The following SOWAHC variants were observed in gnomAD, a reference collection of about 807,000 sequenced individuals.
SOWAHC encodes sosondowah ankyrin repeat domain family member C.
SOWAHC carries 12 observed loss-of-function variants against 14.4 expected under a neutral mutation model. That is an observed-to-expected ratio of 0.83 (90% CI 0.53 to 1.35). SOWAHC has a LOEUF of 1.35. Among genes scored for constraint, SOWAHC ranks in the 40% most tolerant of loss-of-function variants. SOWAHC has a pLI of 0.00. For missense variants in SOWAHC, 771 were observed against 752.8 expected (o/e 1.02, Z -0.28); for synonymous variants, 398 against 347.0 (o/e 1.15, Z -1.63).
rs1461784844 is a variant in SOWAHC, at chr2:109,614,820, G to A, written c.331G>A (p.Gly111Arg). 6.3e-6 allele frequency: 9 copies of A among 1,438,870 alleles called. No individual in the cohort carries two copies. The highest frequency in any genetic ancestry group is 2.7e-5 in the South Asian group (2 of 72,848). 89.1% of individuals were successfully genotyped at this position (1,438,870 alleles called of 1,614,324 possible). The part of the protein sequence containing the change: ...AEPEAPDGPA[G>R]PEARDRLPDA... Reference sequence around the variant, plus strand: ...GCCCGAGGCCCCCGACGGCCCTGCCGGGCCCGAGGCGCGCGATCGGCTCCC... The same window carrying A: ...GCCCGAGGCCCCCGACGGCCCTGCCAGGCCCGAGGCGCGCGATCGGCTCCC... Residue 111 changes from glycine to arginine, a missense_variant, in exon 1 of 1, where the codon GGG becomes AGG. By Grantham distance (125) the Gly-to-Arg change is moderately radical (BLOSUM62 -2). Coordinates refer to ENST00000356454, the MANE Select transcript of SOWAHC (RefSeq NM_023016.4).
chr2:109,617,426 A>G lies in SOWAHC; in HGVS notation c.*1359A>G, dbSNP rs1700164034. 1 of 167,130 alleles carries G rather than the reference A, an allele frequency of 6.0e-6. No individual in the cohort carries two copies. Among genetic ancestry groups the G allele is most frequent in the Non-Finnish European group, 1.5e-5 (1 of 68,128 alleles). 10.4% of individuals were successfully genotyped at this position (167,130 alleles called of 1,614,324 possible). A position where few individuals can be genotyped will look rare whatever the true frequency, so the allele number is the denominator to read the frequency against. ...TCTTAATTACATTTCATTCATTTAT[A>G]TTAGAGTAAATGGCTTCATAACTAC... is the stretch of plus-strand genomic sequence containing the variant. On this transcript the variant is annotated 3_prime_UTR_variant, in exon 1 of 1. Transcript: ENST00000356454.
Position 109,614,463 on chromosome 2 carries a change from G to A in SOWAHC, c.-27G>A, listed in dbSNP as rs1213346786. ...GCTATGGGACCGCGCTGAGCCGCCCGCTGGCGGGGGAGCAGCGCGGTCGAG... is the reference window on the plus strand; with the variant it reads ...GCTATGGGACCGCGCTGAGCCGCCCACTGGCGGGGGAGCAGCGCGGTCGAG... On this transcript the variant is annotated 5_prime_UTR_variant, in exon 1 of 1. Coordinates refer to ENST00000356454, the MANE Select transcript of SOWAHC (RefSeq NM_023016.4). 9 of 1,213,622 alleles carry A rather than the reference G, an allele frequency of 7.4e-6. No individual in the cohort carries two copies. In the East Asian group the frequency reaches 1.0e-4, roughly 14 times the overall value. The allele number at this position is 1,213,622 out of a possible 1,614,324, so 75.2% of individuals were successfully genotyped here.
rs1439494389 is a variant in SOWAHC, at chr2:109,617,880, G to A, written c.*1813G>A. 2 of 160,326 alleles carry A rather than the reference G, an allele frequency of 1.2e-5. No homozygotes were observed. Among genetic ancestry groups the A allele is most frequent in the African/African-American group, 4.8e-5 (2 of 41,366 alleles). The allele number at this position is 160,326 out of a possible 1,614,324, so 9.9% of individuals were successfully genotyped here. Reference sequence around the variant, plus strand: ...CTAAAAATACAAAAATTAGCCGAGCGTGGTGGTGCGTGCCTGTAGTCCCAG... The same window carrying A: ...CTAAAAATACAAAAATTAGCCGAGCATGGTGGTGCGTGCCTGTAGTCCCAG... On this transcript the variant is annotated 3_prime_UTR_variant, in exon 1 of 1. Coordinates refer to ENST00000356454, the MANE Select transcript of SOWAHC (RefSeq NM_023016.4).
rs527519216 is a variant in SOWAHC at position 109,615,701 on chromosome 2, C to A, written c.1212C>A (p.Ser404Arg). The A allele has an allele frequency of 3.7e-6, 6 of 1,613,916 alleles. No homozygotes were observed. The East Asian group carries it at 8.9e-5, about 24-fold the overall frequency. The change falls in exon 1 of 1, where the codon AGC becomes AGA. Residue 404 changes from serine to arginine, a missense_variant. Transcript: ENST00000356454. Reference protein sequence around the residue: ...VGALDEGDGESAAGSGGGRWR... With the variant: ...VGALDEGDGERAAGSGGGRWR... ...CCCTGGACGAGGGTGACGGGGAAAG[C>A]GCCGCGGGTAGCGGCGGCGGGCGCT... is the stretch of plus-strand genomic sequence containing the variant.
Position 109,617,120 on chromosome 2 carries a change from A to G in SOWAHC, c.*1053A>G, listed in dbSNP as rs967557446. On this transcript the variant is annotated 3_prime_UTR_variant, in exon 1 of 1. Coordinates refer to ENST00000356454, the MANE Select transcript of SOWAHC (RefSeq NM_023016.4). The stretch of plus-strand genomic sequence containing the variant: ...ACTTAATGATTCTTATGTAAGGTAC[A>G]CTTTTTATTTTAATACATTGGTAGT... 2 of 166,820 alleles carry G rather than the reference A, an allele frequency of 1.2e-5. No individual in the cohort carries two copies. The highest frequency in any genetic ancestry group is 1.3e-4 in the Admixed American group (2 of 15,282). 10.3% of individuals were successfully genotyped at this position (166,820 alleles called of 1,614,324 possible).
Position 109,614,804 on chromosome 2 carries a change from C to T in SOWAHC, c.315C>T (p.Ala105=), listed in dbSNP as rs1240884487. The part of the protein sequence containing the change: ...PRIQVTAEPE[A]PDGPAGPEAR... ...TCCAGGTGACCGCCGAGCCCGAGGC[C>T]CCCGACGGCCCTGCCGGGCCCGAGG... is the stretch of plus-strand genomic sequence containing the variant. The change falls in exon 1 of 1, where the codon GCC becomes GCT. Residue 105 remains alanine (A), a synonymous_variant. Coordinates refer to ENST00000356454, the MANE Select transcript of SOWAHC (RefSeq NM_023016.4). The T allele has an allele frequency of 1.2e-4, 178 of 1,466,540 alleles. No individual in the cohort carries two copies. The highest frequency in any genetic ancestry group is 1.5e-4 in the Non-Finnish European group (171 of 1,114,704). The allele number at this position is 1,466,540 out of a possible 1,614,324, so 90.8% of individuals were successfully genotyped here.
Position 109,614,823 on chromosome 2 carries a change from C to A in SOWAHC, c.334C>A (p.Pro112Thr). ...EPEAPDGPAG[P>T]EARDRLPDAA... The stretch of plus-strand genomic sequence containing the variant: ...CGAGGCCCCCGACGGCCCTGCCGGG[C>A]CCGAGGCGCGCGATCGGCTCCCCGA... The change falls in exon 1 of 1, where the codon CCC (proline) becomes ACC (threonine). Residue 112 changes from proline (P) to threonine (T), a missense_variant. Physicochemically the swap from Pro to Thr is conservative, Grantham distance 38. Transcript: ENST00000356454. 2 of 1,437,714 alleles carry A rather than the reference C, an allele frequency of 1.4e-6. No homozygotes were observed. The highest frequency in any genetic ancestry group is 1.4e-5 in the South Asian group (1 of 72,446). 89.1% of individuals were successfully genotyped at this position (1,437,714 alleles called of 1,614,324 possible).
Position 109,615,433 on chromosome 2 carries a change from A to G in SOWAHC, c.944A>G (p.Gln315Arg). ...CLHWAAKHGR[Q>R]ELLAMLVNFA... ...CACTGGGCCGCCAAGCACGGCAGGC[A>G]GGAGCTTCTGGCCATGCTAGTCAAC... The change falls in exon 1 of 1, where the codon CAG (glutamine) becomes CGG (arginine). Residue 315 changes from glutamine (Q) to arginine (R), a missense_variant. Gln to Arg is a conservative substitution (Grantham distance 43). Transcript: ENST00000356454. 1 of 1,613,092 alleles carries G rather than the reference A, an allele frequency of 6.2e-7. No individual in the cohort carries two copies. Among genetic ancestry groups the G allele is most frequent in the Non-Finnish European group, 8.5e-7 (1 of 1,180,024 alleles).
At position 109,614,825 on chromosome 2, in the gene SOWAHC, C is replaced by G. The variant is rs879360463; in HGVS notation, c.336C>G (p.Pro112=). The G allele has an allele frequency of 2.7e-4, 381 of 1,433,120 alleles. No homozygotes were observed. Among genetic ancestry groups the G allele is most frequent in the Non-Finnish European group, 3.4e-4 (369 of 1,101,194 alleles). 88.8% of individuals were successfully genotyped at this position (1,433,120 alleles called of 1,614,324 possible). Residue 112 remains proline (P), a synonymous_variant, in exon 1 of 1, where the codon CCC becomes CCG. Coordinates refer to ENST00000356454, the MANE Select transcript of SOWAHC (RefSeq NM_023016.4). ...AGGCCCCCGACGGCCCTGCCGGGCCCGAGGCGCGCGATCGGCTCCCCGACG... is the reference window on the plus strand; with the variant it reads ...AGGCCCCCGACGGCCCTGCCGGGCCGGAGGCGCGCGATCGGCTCCCCGACG... ...EPEAPDGPAG[P]EARDRLPDAA...
At position 109,615,059 on chromosome 2, in the gene SOWAHC, C is replaced by G. The variant is rs749253340; in HGVS notation, c.570C>G (p.Ser190Arg). 24 of 1,549,226 alleles carry G rather than the reference C, an allele frequency of 1.5e-5. No homozygotes were observed. Among genetic ancestry groups the G allele is most frequent in the Non-Finnish European group, 2.1e-5 (24 of 1,146,732 alleles). The change falls in exon 1 of 1, where the codon AGC (serine) becomes AGG (arginine). Residue 190 changes from serine to arginine, a missense_variant. Physicochemically the swap from Ser to Arg is moderately radical, Grantham distance 110. Transcript: ENST00000356454. ...PHGCEEADRG[S>R]SLVGATAQRP... ...GCTGCGAGGAGGCGGACAGGGGCAG[C>G]TCCCTTGTGGGGGCTACCGCACAGA...
rs1700094183 is a variant in SOWAHC, at chr2:109,615,422, G to A, written c.933G>A (p.Lys311=). Residue 311 remains lysine, a synonymous_variant, in exon 1 of 1, where the codon AAG becomes AAA. Transcript: ENST00000356454. ...TCACTTGCCTGCACTGGGCCGCCAA[G>A]CACGGCAGGCAGGAGCTTCTGGCCA... ...TGFTCLHWAA[K]HGRQELLAML... 6.2e-7 allele frequency: 1 copy of A among 1,613,100 alleles called. No individual in the cohort carries two copies. The highest frequency in any genetic ancestry group is 2.2e-5 in the East Asian group (1 of 44,858).
In SOWAHC at chr2:109,614,847, G is replaced by A. The variant is rs1156442379; in HGVS notation, c.358G>A (p.Asp120Asn). ...GCCCGAGGCGCGCGATCGGCTCCCCGACGCGGCGGCCCCGGAGTCGCTCCC... is the reference window on the plus strand; with the variant it reads ...GCCCGAGGCGCGCGATCGGCTCCCCAACGCGGCGGCCCCGGAGTCGCTCCC... ...AGPEARDRLPDAAAPESLPGQ... is the reference protein window; with the variant it reads ...AGPEARDRLPNAAAPESLPGQ... Residue 120 changes from aspartate (D) to asparagine (N), a missense_variant, in exon 1 of 1, where the codon GAC (aspartate) becomes AAC (asparagine). By Grantham distance (23) the Asp-to-Asn change is conservative (BLOSUM62 1). Transcript: ENST00000356454. 1.4e-6 allele frequency: 2 copies of A among 1,402,978 alleles called. No homozygotes were observed. Among genetic ancestry groups the A allele is most frequent in the East Asian group, 3.1e-5 (1 of 32,748 alleles). 86.9% of individuals were successfully genotyped at this position (1,402,978 alleles called of 1,614,324 possible).
chr2:109,618,522 G>A lies in SOWAHC; in HGVS notation c.*2455G>A. On this transcript the variant is annotated 3_prime_UTR_variant, in exon 1 of 1. Transcript: ENST00000356454. ...AAATTTTCAAAAACCCATTCCTGAG[G>A]AGAACTACTTCTAGCATTCCTTTTC... The A allele has an allele frequency of 6.0e-6, 1 of 167,106 alleles. No individual in the cohort carries two copies. 10.4% of individuals were successfully genotyped at this position (167,106 alleles called of 1,614,324 possible).
At position 109,615,307 on chromosome 2, in the gene SOWAHC, T is replaced by C. The variant is rs771762427; in HGVS notation, c.818T>C (p.Leu273Pro). 4 of 1,605,936 alleles carry C rather than the reference T, an allele frequency of 2.5e-6. No individual in the cohort carries two copies. The highest frequency in any genetic ancestry group is 3.4e-6 in the Non-Finnish European group (4 of 1,177,164). ...TLDPLEHAWM[L>P]SASDGKWDSL... is the part of the protein sequence containing the mutation. Reference sequence around the variant, plus strand: ...GACCCCCTGGAGCACGCGTGGATGCTCTCTGCCTCCGATGGCAAGTGGGAC... The same window carrying C: ...GACCCCCTGGAGCACGCGTGGATGCCCTCTGCCTCCGATGGCAAGTGGGAC... Residue 273 changes from leucine (L) to proline (P), a missense_variant, in exon 1 of 1, where the codon CTC becomes CCC. Leu to Pro is a moderately conservative substitution (Grantham distance 98, BLOSUM62 -3). Transcript: ENST00000356454.
In SOWAHC at chr2:109,615,268, G is replaced by A. The variant is rs1167102306; in HGVS notation, c.779G>A (p.Gly260Asp). Residue 260 changes from glycine to aspartate, a missense_variant, in exon 1 of 1, where the codon GGC becomes GAC. Transcript: ENST00000356454. ...GCGGAGGAGGAGAGCAGCGGCGGAG[G>A]CTCCGTGACGCTGGACCCCCTGGAG... is the stretch of plus-strand genomic sequence containing the variant. The part of the protein sequence containing the change: ...SSAEEESSGG[G>D]SVTLDPLEHA... 6.4e-7 allele frequency: 1 copy of A among 1,574,280 alleles called. No individual in the cohort carries two copies. The highest frequency in any genetic ancestry group is 1.8e-5 in the Admixed American group (1 of 54,270).
In SOWAHC at chr2:109,614,978, C is replaced by T. The variant is rs1429746715; in HGVS notation, c.489C>T (p.Pro163=). 1.3e-6 allele frequency: 2 copies of T among 1,539,342 alleles called. No homozygotes were observed. Among genetic ancestry groups the T allele is most frequent in the Non-Finnish European group, 1.7e-6 (2 of 1,145,720 alleles). The change falls in exon 1 of 1, where the codon CCC becomes CCT. Residue 163 remains proline (P), a synonymous_variant. Transcript: ENST00000356454. ...AGAACTCGCGGCGCGACGTGCAGCC[C>T]CTACCGCGGACTCCAGCCCCGGGGC... ...RRKNSRRDVQ[P]LPRTPAPGPS...
At position 109,614,838 on chromosome 2, in the gene SOWAHC, C is replaced by G; in HGVS notation, c.349C>G (p.Arg117Gly). ...DGPAGPEARDRLPDAAAPESL... is the reference protein window; with the variant it reads ...DGPAGPEARDGLPDAAAPESL... ...CCCTGCCGGGCCCGAGGCGCGCGAT[C>G]GGCTCCCCGACGCGGCGGCCCCGGA... is the stretch of plus-strand genomic sequence containing the variant. Residue 117 changes from arginine to glycine, a missense_variant, in exon 1 of 1, where the codon CGG (arginine) becomes GGG (glycine). Arg to Gly is a moderately radical substitution (Grantham distance 125, BLOSUM62 -2). Coordinates refer to ENST00000356454, the MANE Select transcript of SOWAHC (RefSeq NM_023016.4). 1 of 1,417,366 alleles carries G rather than the reference C, an allele frequency of 7.1e-7. No individual in the cohort carries two copies. Among genetic ancestry groups the G allele is most frequent in the East Asian group, 3.1e-5 (1 of 32,752 alleles). 87.8% of individuals were successfully genotyped at this position (1,417,366 alleles called of 1,614,324 possible). A position where few individuals can be genotyped will look rare whatever the true frequency, so the allele number is the denominator to read the frequency against.
At position 109,614,393 on chromosome 2, in the gene SOWAHC, C is replaced by G. The variant is rs945009545; in HGVS notation, c.-97C>G. The G allele has an allele frequency of 2.1e-5, 20 of 966,916 alleles. No homozygotes were observed. Among genetic ancestry groups the G allele is most frequent in the Admixed American group, 4.5e-5 (1 of 22,074 alleles). 59.9% of individuals were successfully genotyped at this position (966,916 alleles called of 1,614,324 possible). On this transcript the variant is annotated 5_prime_UTR_variant, in exon 1 of 1. Coordinates refer to ENST00000356454, the MANE Select transcript of SOWAHC (RefSeq NM_023016.4). Reference sequence around the variant, plus strand: ...GCGTAGGCTGGCAGCCCGCTGAGCCCGCCAGACTCCGCCGCCGTCGGGAGC... The same window carrying G: ...GCGTAGGCTGGCAGCCCGCTGAGCCGGCCAGACTCCGCCGCCGTCGGGAGC...
Position 109,615,915 on chromosome 2 carries a change from C to G in SOWAHC, c.1426C>G (p.Arg476Gly), listed in dbSNP as rs553369737. ...GRIKPRLNKI[R>G]FRTQIVHTTP... ...TATAAAACCCAGACTCAACAAAATCCGATTCAGAACCCAGATCGTCCACAC... is the reference window on the plus strand; with the variant it reads ...TATAAAACCCAGACTCAACAAAATCGGATTCAGAACCCAGATCGTCCACAC... Residue 476 changes from arginine to glycine, a missense_variant, in exon 1 of 1, where the codon CGA becomes GGA. Coordinates refer to ENST00000356454, the MANE Select transcript of SOWAHC (RefSeq NM_023016.4). 2 of 1,609,310 alleles carry G rather than the reference C, an allele frequency of 1.2e-6. No individual in the cohort carries two copies. The highest frequency in any genetic ancestry group is 1.7e-6 in the Non-Finnish European group (2 of 1,177,846).
Sources: allele counts gnomAD v4.1 joint callset, GRCh38; gene constraint gnomAD v4.1.1; transcripts MANE v1.5; gene names NCBI Gene and HGNC (gene_info 2026-07-23, HGNC 2026-07-21).